The following CEP350 variants were observed in gnomAD, a reference collection of about 807,000 sequenced individuals.
The protein encoded by CEP350 is centrosome-associated protein 350.
CEP350 carries 126 observed loss-of-function variants against 331.8 expected under a neutral mutation model. The ratio of observed to expected loss-of-function variants is 0.38; its 90% confidence interval spans 0.33 to 0.44. The LOEUF is 0.44. Among genes scored for constraint, CEP350 ranks in the 20% least tolerant of loss-of-function variants. The pLI is 1.00. For synonymous variants in CEP350, 1,200 were observed against 1,259.5 expected, an observed-to-expected ratio of 0.95 and a Z score of 1.00; for missense variants, 3,406 against 3,634.6, an observed-to-expected ratio of 0.94 and a Z score of 1.62.
At chr1:180,062,476 G>T (rs189020433) in intron 26 of CEP350, 110 bp downstream of exon 26, 9 of 1,298,494 alleles carry the variant, frequency 6.9e-6, no homozygotes, top group African/African-American at 1.5e-5. Context: ...ATACAATAAT[G>T]AACTAGGATA....
chr1:180,005,154 A>G lies in CEP350; in HGVS notation c.1133-1300A>G, dbSNP rs74703522. ...AGGGCTTTAAATGTTCCCTGTTGCT[A>G]GTGATTCCCAAAGTAATGTCTTTAG... is the stretch of plus-strand genomic sequence containing the variant. On this transcript the variant is annotated intron_variant, in intron 7 of 37. Transcript: ENST00000367607. Among the ~76,000 whole-genome samples the G allele has an allele frequency of 4.1e-3, 617 of 151,424 alleles. 3 individuals are homozygous for G. The highest frequency in any genetic ancestry group is 0.014 in the African/African-American group (583 of 41,142).
At position 180,034,161 on chromosome 1, in the gene CEP350, A is replaced by G. The variant is rs1057166870; in HGVS notation, c.3946+79A>G. The G allele has an allele frequency of 2.1e-6, 3 of 1,427,550 alleles. No individual in the cohort carries two copies. In the African/African-American group the frequency reaches 4.3e-5, roughly 21 times the overall value. 88.4% of individuals were successfully genotyped at this position (1,427,550 alleles called of 1,614,324 possible). A position where few individuals can be genotyped will look rare whatever the true frequency, so the allele number is the denominator to read the frequency against. ...TCTCAACATTCCTTTTCTTTGTTTG[A>G]GTTGAGTCATAGAGAAATATTATTT... On this transcript the variant is annotated intron_variant, in intron 16 of 37. Transcript: ENST00000367607.
At position 180,022,778 on chromosome 1, in the gene CEP350, T is replaced by A. The variant is rs767827548; in HGVS notation, c.3316T>A (p.Tyr1106Asn). 1.2e-6 allele frequency: 2 copies of A among 1,608,024 alleles called. No individual in the cohort carries two copies. The highest frequency in any genetic ancestry group is 8.5e-7 in the Non-Finnish European group (1 of 1,176,822). Residue 1106 changes from tyrosine (Y) to asparagine (N), a missense_variant, in exon 13 of 38, where the codon TAT (tyrosine) becomes AAT (asparagine). Tyr to Asn is a moderately radical substitution (Grantham distance 143). Transcript: ENST00000367607. ...CGCAACTCCTCTAAGTGGTGTTTCA[T>A]ATGAAGATGATTTTGTCTCCTCTCC... ...ATATPLSGVSYEDDFVSSPGT... is the reference protein window; with the variant it reads ...ATATPLSGVSNEDDFVSSPGT...
intron 37 of CEP350, among the ~76,000 whole-genome samples, chr1:180,110,037 AC>A (rs1310757304): frequency 6.6e-6 from 1 of 152,182 alleles, no homozygotes; most frequent in Non-Finnish European, 1.5e-5. Flanking sequence ...GTTTTTATTT[AC>A]CTAATAAGAA....
At chr1:180,039,255 AAAGG>A (rs1656585390) in intron 17 of CEP350, among the ~76,000 whole-genome samples, 1 of 96,924 alleles carries the variant, frequency 1.0e-5, no homozygotes, top group African/African-American at 3.5e-5. Context: ...CTCAAAAAAA[AAAGG>A]AAGAAAGGAA....
At chr1:180,008,170 G>A (rs1226319175) in intron 8 of CEP350, among the ~76,000 whole-genome samples, 3 of 152,070 alleles carry the variant, frequency 2.0e-5, no homozygotes, top group Non-Finnish European at 4.4e-5. Flanking sequence ...GAACTATGGC[G>A]TTCCAACCAG....
chr1:180,076,728 A>G (rs1571963477), intron 28 of CEP350, among the ~76,000 whole-genome samples: 1 of 152,234 alleles, frequency 6.6e-6, no homozygotes, highest in South Asian at 2.1e-4. Context: ...GGCAGAGGTT[A>G]CAGTGAGCTA....
intron 10 of CEP350, among the ~76,000 whole-genome samples, chr1:180,014,856 A>G (rs73032395): frequency 0.017 from 2,562 of 152,316 alleles, 74 homozygotes; most frequent in African/African-American, 0.058. Context: ...TCCACATATA[A>G]CTTTTGATTC....
intron 10 of CEP350, among the ~76,000 whole-genome samples, chr1:180,015,428 G>A (rs1027259919): frequency 3.3e-5 from 5 of 152,006 alleles, no homozygotes; most frequent in Admixed American, 1.3e-4. Flanking sequence ...TAGAGACGGG[G>A]TTTTACTGTG....
At chr1:180,109,336 T>G (rs561657338) in intron 37 of CEP350, among the ~76,000 whole-genome samples, 1 of 152,092 alleles carries the variant, frequency 6.6e-6, no homozygotes, top group Non-Finnish European at 1.5e-5. Flanking sequence ...GTCAGGGTGG[T>G]CTTGAACTCC....
At chr1:180,041,011 C>A in intron 17 of CEP350, 127 bp from the exon 18 acceptor site, 1 of 658,332 alleles carries the variant, frequency 1.5e-6, no homozygotes, top group Non-Finnish European at 2.6e-6. Context: ...TTTTTACTAT[C>A]TTTCCTTTTG....
chr1:180,076,196 A>G (rs961363233), intron 28 of CEP350, among the ~76,000 whole-genome samples: 31 of 152,112 alleles, frequency 2.0e-4, no homozygotes, highest in African/African-American at 7.0e-4. Flanking sequence ...AAAACCTGGT[A>G]TTATAGTTCT....
Position 179,972,251 on chromosome 1 carries a change from G to T in CEP350, c.-13-13918G>T, listed in dbSNP as rs755947751. On this transcript the variant is annotated intron_variant, in intron 1 of 37. Transcript: ENST00000367607. ...TTTGAAAGCCTTTTGCAAGAGTGAG[G>T]TCGCCCAGCGAGAGAGTATAGTGTT... Among the ~76,000 whole-genome samples, 5 of 152,204 alleles carry T rather than the reference G, an allele frequency of 3.3e-5. 1 individual carries two copies. The highest frequency in any genetic ancestry group is 6.8e-3 in the Middle Eastern group (2 of 294).
chr1:180,021,883 A>G lies in CEP350; in HGVS notation c.3236-815A>G, dbSNP rs1254318402. Among the ~76,000 whole-genome samples the G allele has an allele frequency of 2.0e-5, 3 of 152,298 alleles. No homozygotes were observed. In the East Asian group the frequency reaches 5.8e-4, roughly 29 times the overall value. On this transcript the variant is annotated intron_variant, in intron 12 of 37. Transcript: ENST00000367607. Reference sequence around the variant, plus strand: ...CAGTAACTTCTAAAGTTCCCTTCTTATACCTGAAATCCTGCAACACAGTTT... The same window carrying G: ...CAGTAACTTCTAAAGTTCCCTTCTTGTACCTGAAATCCTGCAACACAGTTT...
intron 25 of CEP350, among the ~76,000 whole-genome samples, chr1:180,059,740 CCCTGT>C (rs1460850178): frequency 4.0e-5 from 6 of 151,758 alleles, no homozygotes; most frequent in Non-Finnish European, 5.9e-5. Context: ...AAGAAAGTAT[CCCTGT>C]CACTTCAAAT....
At chr1:180,032,382 A>AT (rs955412849) in intron 15 of CEP350, among the ~76,000 whole-genome samples, 1 of 152,016 alleles carries the variant, frequency 6.6e-6, no homozygotes. Context: ...TTAAAATTAA[A>AT]TTTTTTTTCT....
chr1:180,099,129 C>G (rs1176796706), intron 37 of CEP350, 144 bp downstream of exon 37: 3 of 775,960 alleles, frequency 3.9e-6, no homozygotes, highest in Non-Finnish European at 5.8e-6. Context: ...TGCATTTCTA[C>G]CCCTCAGTTT....
At chr1:179,990,111 G>A (rs1325012808) in intron 3 of CEP350, among the ~76,000 whole-genome samples, 1 of 151,910 alleles carries the variant, frequency 6.6e-6, no homozygotes, top group Non-Finnish European at 1.5e-5. Context: ...TCTTGAACCC[G>A]TGAGGTGGAG....
intron 5 of CEP350, among the ~76,000 whole-genome samples, chr1:179,994,572 G>A (rs1032511408): frequency 6.6e-6 from 1 of 150,466 alleles, no homozygotes; most frequent in Non-Finnish European, 1.5e-5. Context: ...TCCCACCTCA[G>A]CTTCCCGAGT....
Sources: allele counts gnomAD v4.1 joint callset (sites outside exome capture counted in the v4.1 genomes callset), GRCh38; gene constraint gnomAD v4.1.1; transcripts MANE v1.5; gene names NCBI Gene and HGNC (gene_info 2026-07-23, HGNC 2026-07-21).